MAP2K6: variants seen among roughly 807,000 people sequenced by gnomAD.
The protein encoded by MAP2K6 is mitogen-activated protein kinase kinase 6.
Under a neutral mutation model 53.7 loss-of-function variants are expected in MAP2K6, and 16 were observed. That is an observed-to-expected ratio of 0.30 (90% CI 0.20 to 0.45). MAP2K6 has a LOEUF of 0.45. Ranked by LOEUF, MAP2K6 falls within the 20% of genes least tolerant of loss-of-function variation. MAP2K6 has a pLI of 1.00. For missense variants in MAP2K6, 204 were observed against 411.9 expected (o/e 0.50, Z 4.37); for synonymous variants, 132 against 143.1 (o/e 0.92, Z 0.55).
chr17:69,423,937 C>T (rs1178643555), intron 1 of MAP2K6, among the ~76,000 whole-genome samples: 4 of 152,100 alleles, frequency 2.6e-5, no homozygotes, highest in Non-Finnish European at 5.9e-5. Context: ...ATTACTTTTG[C>T]ACCGACGTAA....
rs1912079473 is a variant in MAP2K6 at position 69,551,077 on chromosome 17, G to T, written c.*9324G>T. The T allele has an allele frequency of 6.6e-6, 1 of 152,210 alleles. No individual in the cohort carries two copies. The highest frequency in any genetic ancestry group is 2.4e-5 in the African/African-American group (1 of 41,458). 9.4% of individuals were successfully genotyped at this position (152,210 alleles called of 1,614,324 possible). On this transcript the variant is annotated 3_prime_UTR_variant, in exon 12 of 12. Coordinates refer to ENST00000590474, the MANE Select transcript of MAP2K6 (RefSeq NM_002758.4). ...TTACATGCGACATTTTCCTAAAGTGGTTGAGAATGACCTGATCTTTGTTCA... is the reference window on the plus strand; with the variant it reads ...TTACATGCGACATTTTCCTAAAGTGTTTGAGAATGACCTGATCTTTGTTCA...
intron 2 of MAP2K6, among the ~76,000 whole-genome samples, chr17:69,512,350 T>G (rs1228958138): frequency 2.4e-5 from 3 of 126,622 alleles, no homozygotes; most frequent in Non-Finnish European, 5.1e-5. Context: ...TTTTTTTTTT[T>G]TTTTTTTGAG....
At chr17:69,521,513 A>G (rs966827898) in intron 7 of MAP2K6, 1 of 158,470 alleles carries the variant, frequency 6.3e-6, no homozygotes, top group Non-Finnish European at 1.4e-5. Context: ...TGTGCACATG[A>G]AAGTGTGAAA....
intron 1 of MAP2K6, among the ~76,000 whole-genome samples, chr17:69,421,963 C>T (rs569028256): frequency 6.6e-6 from 1 of 152,136 alleles, no homozygotes; most frequent in South Asian, 2.1e-4. Context: ...CTCTGCCCAG[C>T]CCCTTCCTCC....
intron 1 of MAP2K6, among the ~76,000 whole-genome samples, chr17:69,470,958 G>T (rs991370137): frequency 2.0e-5 from 3 of 152,294 alleles, no homozygotes; most frequent in Admixed American, 1.3e-4. Flanking sequence ...CACCCTGGCT[G>T]TTTATAGGGG....
At chr17:69,417,207 C>T (rs1255372055) in intron 1 of MAP2K6, among the ~76,000 whole-genome samples, 3 of 152,320 alleles carry the variant, frequency 2.0e-5, no homozygotes, top group East Asian at 1.9e-4. Flanking sequence ...TGGAATTGGC[C>T]TTATTCAGCT....
At chr17:69,439,082 A>G (rs763485991) in intron 1 of MAP2K6, among the ~76,000 whole-genome samples, 1 of 152,222 alleles carries the variant, frequency 6.6e-6, no homozygotes, top group Non-Finnish European at 1.5e-5. Context: ...CTAAATATTT[A>G]CTATCTGGCC....
chr17:69,419,691 C>T (rs1906014316), intron 1 of MAP2K6, among the ~76,000 whole-genome samples: 1 of 152,026 alleles, frequency 6.6e-6, no homozygotes, highest in African/African-American at 2.4e-5. Context: ...CTTTGGGAGG[C>T]CGAGGCAAGT....
At chr17:69,455,184 A>G (rs1284132725) in intron 1 of MAP2K6, among the ~76,000 whole-genome samples, 1 of 152,160 alleles carries the variant, frequency 6.6e-6, no homozygotes, top group Non-Finnish European at 1.5e-5. Flanking sequence ...GTGAGGGATA[A>G]TGGAAAGAGA....
chr17:69,493,983 T>C (rs985996696), intron 1 of MAP2K6, among the ~76,000 whole-genome samples: 2 of 152,158 alleles, frequency 1.3e-5, no homozygotes, highest in African/African-American at 4.8e-5. Context: ...CAATTTAGCA[T>C]AAATTAAAAG....
chr17:69,453,044 T>C (rs894550790), intron 1 of MAP2K6, among the ~76,000 whole-genome samples: 1 of 152,170 alleles, frequency 6.6e-6, no homozygotes, highest in Non-Finnish European at 1.5e-5. Flanking sequence ...CATTTAAGCG[T>C]TGGGACGAAG....
At chr17:69,428,494 A>C (rs1189971390) in intron 1 of MAP2K6, among the ~76,000 whole-genome samples, 1 of 152,230 alleles carries the variant, frequency 6.6e-6, no homozygotes, top group Non-Finnish European at 1.5e-5. Flanking sequence ...CCAGTATGAC[A>C]TCATCTGTCA....
chr17:69,505,081 GA>G (rs879863986), intron 1 of MAP2K6, among the ~76,000 whole-genome samples: 2,158 of 100,916 alleles, frequency 0.021, 54 homozygotes, highest in Admixed American at 0.093. Flanking sequence ...ACACTAAAAA[GA>G]AAAAAAAAAA....
chr17:69,469,136 G>T (rs970934310), intron 1 of MAP2K6, among the ~76,000 whole-genome samples: 11 of 152,162 alleles, frequency 7.2e-5, no homozygotes, highest in African/African-American at 2.4e-4. Flanking sequence ...GCTGTCAGTT[G>T]AGGACTGTCG....
chr17:69,423,278 A>G lies in MAP2K6; in HGVS notation c.16+8278A>G, dbSNP rs147975714. On this transcript the variant is annotated intron_variant, in intron 1 of 11. Coordinates refer to ENST00000590474, the MANE Select transcript of MAP2K6 (RefSeq NM_002758.4). ...AATCAAAATCAATGTTTCATGACAC[A>G]TGAAAATGATACGAAATTCAAATTC... 9.8e-4 allele frequency among the ~76,000 whole-genome samples: 149 copies of G among 152,348 alleles called. 2 individuals carry two copies. Among genetic ancestry groups the G allele is most frequent in the African/African-American group, 3.3e-3 (138 of 41,590 alleles).
chr17:69,423,446 A>G (rs1448312576), intron 1 of MAP2K6, among the ~76,000 whole-genome samples: 5 of 152,330 alleles, frequency 3.3e-5, no homozygotes, highest in African/African-American at 1.2e-4. Flanking sequence ...AATATTTGCT[A>G]TCTGGTCCCT....
rs1009343377 is a variant in MAP2K6, at chr17:69,550,354, T to A, written c.*8601T>A. 2.6e-5 allele frequency: 4 copies of A among 152,190 alleles called. No homozygotes were observed. Among genetic ancestry groups the A allele is most frequent in the African/African-American group, 9.6e-5 (4 of 41,460 alleles). 9.4% of individuals were successfully genotyped at this position (152,190 alleles called of 1,614,324 possible). ...AAGCCTGAGCTCCTTAACCTTTTGTTCCAGAGGGCAGACATTTTTAAGAAA... is the reference window on the plus strand; with the variant it reads ...AAGCCTGAGCTCCTTAACCTTTTGTACCAGAGGGCAGACATTTTTAAGAAA... On this transcript the variant is annotated 3_prime_UTR_variant, in exon 12 of 12. Transcript: ENST00000590474.
At chr17:69,473,256 T>A (rs1908039093) in intron 1 of MAP2K6, among the ~76,000 whole-genome samples, 1 of 152,328 alleles carries the variant, frequency 6.6e-6, no homozygotes, top group South Asian at 2.1e-4. Context: ...TTGAGTGGAA[T>A]AATTTGCAAC....
intron 1 of MAP2K6, among the ~76,000 whole-genome samples, chr17:69,422,124 AT>A (rs35694490): frequency 0.047 from 4,089 of 87,346 alleles, 66 homozygotes; most frequent in East Asian, 0.21. Context: ...AATCATCGTA[AT>A]TTTTTTTTTT....
Sources: gnomAD v4.1 joint callset for allele counts (sites outside exome capture counted in the v4.1 genomes callset) on GRCh38, gnomAD v4.1.1 for gene constraint, MANE v1.5 for transcripts, NCBI Gene and HGNC (gene_info 2026-07-23, HGNC 2026-07-21) for gene names.